The following SPATA6L variants were observed in gnomAD, a reference collection of about 807,000 sequenced individuals.
SPATA6L encodes the protein spermatogenesis associated 6-like protein.
SPATA6L carries 68 observed loss-of-function variants against 49.2 expected under a neutral mutation model. The ratio of observed to expected loss-of-function variants is 1.38; its 90% CI spans 1.14 to 1.69. The LOEUF is 1.69. Among genes scored for constraint, SPATA6L ranks in the 40% most tolerant of loss-of-function variants. SPATA6L has a pLI of 0.00. For missense variants in SPATA6L, 668 were observed against 464.3 expected, an observed-to-expected ratio of 1.44 and a Z score of -4.03; for synonymous variants, 198 against 165.7, an observed-to-expected ratio of 1.19 and a Z score of -1.50.
chr9:4,588,893 G>C (rs1821725385), exon 14 of SPATA6L: 1 of 152,220 alleles, frequency 6.6e-6, no homozygotes, highest in African/African-American at 2.4e-5. Flanking sequence ...TGGGAAGTGT[G>C]CTTGGCTTAT....
intron 7 of SPATA6L, among the ~76,000 whole-genome samples, chr9:4,622,061 G>T (rs1448216388): frequency 6.6e-6 from 1 of 152,116 alleles, no homozygotes; most frequent in Admixed American, 6.5e-5. Flanking sequence ...CAGAAAAACG[G>T]AAAGCCTTAT....
intron 6 of SPATA6L, among the ~76,000 whole-genome samples, chr9:4,623,165 A>T (rs1829718949): frequency 6.6e-6 from 1 of 152,188 alleles, no homozygotes; most frequent in Non-Finnish European, 1.5e-5. Flanking sequence ...CTGTAATCCC[A>T]GCTACTCTGG....
At chr9:4,652,381 C>A (rs2082210263) in intron 3 of SPATA6L, among the ~76,000 whole-genome samples, 1 of 151,996 alleles carries the variant, frequency 6.6e-6, no homozygotes, top group Non-Finnish European at 1.5e-5. Context: ...GAATGAAACT[C>A]TGTCTCAAAC....
At chr9:4,610,338 A>G (rs1261569678) in intron 9 of SPATA6L, among the ~76,000 whole-genome samples, 1 of 149,108 alleles carries the variant, frequency 6.7e-6, no homozygotes, top group Non-Finnish European at 1.5e-5. Context: ...CGCATCGCCA[A>G]GTCAATCCTA....
intron 13 of SPATA6L, among the ~76,000 whole-genome samples, chr9:4,592,153 A>T (rs1821943650): frequency 6.6e-6 from 1 of 152,016 alleles, no homozygotes. Flanking sequence ...TGTCTCTACT[A>T]AAAATACAAA....
rs779640041 is a variant in SPATA6L, at chr9:4,629,182, T to TA, written c.352-15dup. 3.8e-6 allele frequency: 6 copies of TA among 1,566,530 alleles called. No individual in the cohort carries two copies. Among genetic ancestry groups the TA allele is most frequent in the Non-Finnish European group, 5.2e-6 (6 of 1,153,098 alleles). ...GGGAGCAATGCCCTATAAAACAGCA[T>TA]AAAAAAAGCAAATAAAATTACTAGA... On this transcript the variant is annotated splice_polypyrimidine_tract_variant and intron_variant, in intron 4 of 11. Transcript: ENST00000682582.
chr9:4,629,433 C>T (rs527698213), intron 4 of SPATA6L, among the ~76,000 whole-genome samples: 1 of 152,080 alleles, frequency 6.6e-6, no homozygotes, highest in African/African-American at 2.4e-5. Flanking sequence ...ATAGTATCTC[C>T]TCAACTAAGA....
intron 13 of SPATA6L, among the ~76,000 whole-genome samples, chr9:4,589,521 G>A (rs1164821628): frequency 7.2e-5 from 11 of 152,206 alleles, no homozygotes; most frequent in Admixed American, 6.5e-4. Flanking sequence ...TCAGAAATGG[G>A]ACATTTTAAT....
chr9:4,606,269 G>GC (rs1336536437), intron 9 of SPATA6L, among the ~76,000 whole-genome samples: 1 of 107,394 alleles, frequency 9.3e-6, no homozygotes, highest in Non-Finnish European at 1.8e-5. Context: ...CAAAGCAGCC[G>GC]GAAGCTCCAA....
intron 2 of SPATA6L, among the ~76,000 whole-genome samples, chr9:4,656,995 G>A (rs1838420016): frequency 6.6e-6 from 1 of 152,204 alleles, no homozygotes; most frequent in Non-Finnish European, 1.5e-5. Context: ...AAAGTTTTAA[G>A]TGTATCGTGA....
chr9:4,628,963 A>G, intron 5 of SPATA6L, 128 bp downstream of exon 5: 1 of 666,596 alleles, frequency 1.5e-6, no homozygotes, highest in South Asian at 1.7e-5. Flanking sequence ...CAAACCTAGT[A>G]AAAACTTTCC....
chr9:4,642,989 A>C (rs1245113552), intron 3 of SPATA6L, among the ~76,000 whole-genome samples: 1 of 152,154 alleles, frequency 6.6e-6, no homozygotes, highest in Non-Finnish European at 1.5e-5. Flanking sequence ...ATAGATCATA[A>C]AATAGGATAA....
chr9:4,639,274 C>T (rs1833528010), intron 3 of SPATA6L, among the ~76,000 whole-genome samples: 1 of 152,176 alleles, frequency 6.6e-6, no homozygotes, highest in Middle Eastern at 3.2e-3. Flanking sequence ...TGATGTTCTA[C>T]ACAGGAGGCC....
At chr9:4,626,438 G>A in intron 5 of SPATA6L, 2 of 1,304,328 alleles carry the variant, frequency 1.5e-6, no homozygotes, top group Non-Finnish European at 2.0e-6. Context: ...TCGAATTCCT[G>A]AAGAAGCATC....
intron 3 of SPATA6L, among the ~76,000 whole-genome samples, chr9:4,638,042 T>A (rs1833156900): frequency 6.6e-6 from 1 of 152,148 alleles, no homozygotes. Context: ...TTTACACTAG[T>A]GAAGAAGATA....
chr9:4,604,673 T>C (rs1328527951), intron 10 of SPATA6L, among the ~76,000 whole-genome samples: 1 of 152,224 alleles, frequency 6.6e-6, no homozygotes, highest in Non-Finnish European at 1.5e-5. Flanking sequence ...CATTTAGTTT[T>C]AAGTGTCATC....
chr9:4,614,302 G>A (rs1026555902), intron 9 of SPATA6L, among the ~76,000 whole-genome samples: 9 of 152,134 alleles, frequency 5.9e-5, no homozygotes, highest in Admixed American at 5.2e-4. Flanking sequence ...TAAAACCTTG[G>A]GTTGACTCTC....
At chr9:4,607,274 G>A (rs1221280448) in intron 9 of SPATA6L, among the ~76,000 whole-genome samples, 9 of 151,512 alleles carry the variant, frequency 5.9e-5, no homozygotes, top group Non-Finnish European at 1.0e-4. Context: ...CCAACATTCA[G>A]ATTCAGGAAA....
chr9:4,649,240 C>T lies in SPATA6L; in HGVS notation c.226+6801G>A, dbSNP rs117327039. Among the ~76,000 whole-genome samples, 3 of 152,250 alleles carry T rather than the reference C, an allele frequency of 2.0e-5. No homozygotes were observed. In the East Asian group the frequency reaches 5.8e-4, roughly 29 times the overall value. Reference sequence around the variant, plus strand: ...CTCTTTTCCTCTGGGTAGACAGATACCCTAGCAGTGGGATTGCTGGATCAA... The same window carrying T: ...CTCTTTTCCTCTGGGTAGACAGATATCCTAGCAGTGGGATTGCTGGATCAA... On this transcript the variant is annotated intron_variant, in intron 3 of 11. Coordinates refer to ENST00000682582, the MANE Select transcript of SPATA6L (RefSeq NM_001353486.2).
Sources: allele counts gnomAD v4.1 joint callset (sites outside exome capture counted in the v4.1 genomes callset), GRCh38; gene constraint gnomAD v4.1.1; transcripts MANE v1.5; gene names NCBI Gene and HGNC (gene_info 2026-07-23, HGNC 2026-07-21).